ZFAT: variants seen among roughly 807,000 people sequenced by gnomAD.
ZFAT encodes the protein zinc finger protein ZFAT.
A neutral mutation model predicts 117.7 loss-of-function variants in ZFAT; 64 were observed. The observed-to-expected ratio is 0.54, with a 90% CI of 0.44 to 0.67. The LOEUF is 0.67. Among genes scored for constraint, ZFAT ranks in the 30% least tolerant of loss-of-function variants. ZFAT has a pLI of 0.00. For synonymous variants in ZFAT, 679 were observed against 615.0 expected (o/e 1.10, Z -1.54); for missense variants, 1,433 against 1,584.5 (o/e 0.90, Z 1.62).
chr8:134,488,107 C>T (rs573304597), intron 15 of ZFAT, among the ~76,000 whole-genome samples: 27 of 152,296 alleles, frequency 1.8e-4, no homozygotes, highest in African/African-American at 6.5e-4. Context: ...ACTGCGGTTC[C>T]AGGGGGACGT....
intron 9 of ZFAT, 115 bp downstream of exon 9, chr8:134,588,131 A>C: frequency 8.0e-7 from 1 of 1,253,746 alleles, no homozygotes; most frequent in Non-Finnish European, 1.1e-6. Context: ...CAGTGTGCTA[A>C]GGAAATTCTA....
At chr8:134,715,452 C>A (rs1287879449), upstream of ZFAT, among the ~76,000 whole-genome samples, 3 of 152,170 alleles carry the variant, frequency 2.0e-5, no homozygotes, top group Non-Finnish European at 4.4e-5. Context: ...AAGAGATGGC[C>A]CCTTTCTGTG....
At chr8:134,569,359 C>T (rs7828381) in intron 10 of ZFAT, among the ~76,000 whole-genome samples, 13,851 of 152,106 alleles carry the variant, frequency 0.091, 945 homozygotes, top group East Asian at 0.36. Flanking sequence ...CCCCAACACC[C>T]CCATTCACAG....
intron 2 of ZFAT, among the ~76,000 whole-genome samples, chr8:134,653,272 A>T (rs867601413): frequency 1.5e-3 from 174 of 113,358 alleles, no homozygotes; most frequent in Non-Finnish European, 2.3e-3. Flanking sequence ...GTCTTTTTTA[A>T]AAAAAAAAAA....
chr8:134,589,911 C>A (rs1489899306), intron 8 of ZFAT, among the ~76,000 whole-genome samples: 3 of 152,192 alleles, frequency 2.0e-5, no homozygotes, highest in Non-Finnish European at 4.4e-5. Context: ...TCAGCCTGGG[C>A]AGGAGCCAAC....
the ZFAT span, among the ~76,000 whole-genome samples, chr8:134,721,710 C>T: frequency 6.6e-6 from 1 of 152,156 alleles, no homozygotes; most frequent in Non-Finnish European, 1.5e-5. Flanking sequence ...TCTTCCCAGG[C>T]AAGTTAATGG....
chr8:134,605,285 G>A (rs1227272546), intron 5 of ZFAT, among the ~76,000 whole-genome samples: 4 of 152,222 alleles, frequency 2.6e-5, no homozygotes, highest in South Asian at 2.1e-4. Flanking sequence ...AGTGGCTCAC[G>A]CCTGTAATCC....
intron 15 of ZFAT, among the ~76,000 whole-genome samples, chr8:134,505,327 A>C (rs1819317056): frequency 6.6e-6 from 1 of 152,170 alleles, no homozygotes. Flanking sequence ...TTGTTAGACT[A>C]TTTGCCTCTT....
At chr8:134,600,860 TG>T (rs1299830943) in intron 6 of ZFAT, among the ~76,000 whole-genome samples, 192 bp from the exon 7 acceptor site, 1 of 152,038 alleles carries the variant, frequency 6.6e-6, no homozygotes, top group Admixed American at 6.6e-5. Context: ...ATATTAAGGG[TG>T]CTACTATTTT....
chr8:134,749,815 T>A, the ZFAT span, among the ~76,000 whole-genome samples: 3 of 152,218 alleles, frequency 2.0e-5, no homozygotes, highest in African/African-American at 7.2e-5. Context: ...TTCTGTTTCA[T>A]TGCTCAATTT....
chr8:134,706,653 T>C (rs887084193), intron 1 of ZFAT, among the ~76,000 whole-genome samples: 3 of 151,972 alleles, frequency 2.0e-5, no homozygotes, highest in East Asian at 1.9e-4. Context: ...GATCGTGCCA[T>C]TGCCCTCCAT....
At chr8:134,596,665 A>G (rs1347841881) in intron 7 of ZFAT, among the ~76,000 whole-genome samples, 2 of 152,254 alleles carry the variant, frequency 1.3e-5, no homozygotes, top group Non-Finnish European at 2.9e-5. Context: ...AATGCCATCA[A>G]CTGATGAAAT....
At chr8:134,808,061 AGAT>A in the ZFAT span, among the ~76,000 whole-genome samples, 1 of 152,236 alleles carries the variant, frequency 6.6e-6, no homozygotes, top group African/African-American at 2.4e-5. Context: ...GTAGCAGAGC[AGAT>A]GATAATTCTA....
intron 7 of ZFAT, chr8:134,598,058 G>A (rs1265849896): frequency 6.6e-6 from 1 of 152,274 alleles, no homozygotes; most frequent in African/African-American, 2.4e-5. Flanking sequence ...TCAGATGACG[G>A]ACAAGTGTCC....
the ZFAT span, among the ~76,000 whole-genome samples, chr8:134,764,014 A>C: frequency 6.6e-6 from 1 of 152,230 alleles, no homozygotes; most frequent in Admixed American, 6.5e-5. Context: ...TCATGTATGT[A>C]ACAGCAAGGG....
intron 1 of ZFAT, among the ~76,000 whole-genome samples, chr8:134,712,237 A>G (rs894606397): frequency 6.6e-6 from 1 of 152,208 alleles, no homozygotes; most frequent in Non-Finnish European, 1.5e-5. Context: ...TCTGTTCCTC[A>G]TAATAAATGA....
intron 3 of ZFAT, among the ~76,000 whole-genome samples, chr8:134,629,899 A>T (rs1411561876): frequency 6.6e-6 from 1 of 152,226 alleles, no homozygotes; most frequent in East Asian, 1.9e-4. Flanking sequence ...TTCTGAGCCA[A>T]GGTGAAACCA....
At chr8:134,768,368 G>T in the ZFAT span, among the ~76,000 whole-genome samples, 1 of 152,188 alleles carries the variant, frequency 6.6e-6, no homozygotes, top group Non-Finnish European at 1.5e-5. Context: ...TGTTCTGACT[G>T]CTCCCCTGAC....
chr8:134,654,731 A>G (rs1289258918), intron 2 of ZFAT, among the ~76,000 whole-genome samples: 3 of 152,208 alleles, frequency 2.0e-5, no homozygotes, highest in Non-Finnish European at 4.4e-5. Context: ...GCAAGAAAGC[A>G]AGGACAACAA....
Sources: allele counts gnomAD v4.1 joint callset (sites outside exome capture counted in the v4.1 genomes callset), GRCh38; gene constraint gnomAD v4.1.1; transcripts MANE v1.5; gene names NCBI Gene and HGNC (gene_info 2026-07-23, HGNC 2026-07-21).